Variants in RAB3C observed in about 807,000 individuals in gnomAD.
RAB3C encodes ras-related protein Rab-3C.
In RAB3C, 17 loss-of-function variants were observed where a neutral mutation model predicts 26.4. The observed-to-expected ratio is 0.64, with a 90% confidence interval of 0.44 to 0.97. The LOEUF (loss-of-function observed/expected upper bound fraction) is 0.97. Ranked by LOEUF, RAB3C falls within the 50% of genes least tolerant of loss-of-function variation. The pLI, the probability that RAB3C is intolerant of heterozygous loss-of-function variation, is 0.00. For synonymous variants in RAB3C, 91 were observed against 95.9 expected (o/e 0.95, Z 0.30); for missense variants, 242 against 281.9 (o/e 0.86, Z 1.01).
intron 2 of RAB3C, among the ~76,000 whole-genome samples, chr5:58,686,245 G>T (rs1579857324): frequency 6.6e-6 from 1 of 152,114 alleles, no homozygotes; most frequent in Non-Finnish European, 1.5e-5. Flanking sequence ...AGACAAAGTT[G>T]ATAGGAAAGA....
intron 3 of RAB3C, chr5:58,822,666 A>G: frequency 2.4e-6 from 1 of 410,056 alleles, no homozygotes. Flanking sequence ...TAGTCTGTGT[A>G]ACAAACAGAG....
intron 3 of RAB3C, among the ~76,000 whole-genome samples, chr5:58,737,028 G>A (rs1375805872): frequency 2.0e-5 from 3 of 152,068 alleles, no homozygotes; most frequent in Non-Finnish European, 4.4e-5. Context: ...TAATGCCAAA[G>A]CCATTACAAT....
At chr5:58,702,036 T>C (rs969214934) in intron 2 of RAB3C, among the ~76,000 whole-genome samples, 1 of 152,196 alleles carries the variant, frequency 6.6e-6, no homozygotes, top group Non-Finnish European at 1.5e-5. Flanking sequence ...CCTGCCATTT[T>C]CCTGCATGGA....
intron 3 of RAB3C, among the ~76,000 whole-genome samples, chr5:58,809,228 T>TA (rs1004080891): frequency 1.3e-5 from 2 of 152,142 alleles, no homozygotes; most frequent in African/African-American, 4.8e-5. Context: ...TCTTTTCATA[T>TA]AAAAATAGAA....
chr5:58,633,835 T>G (rs768507481), intron 2 of RAB3C, among the ~76,000 whole-genome samples: 25 of 152,134 alleles, frequency 1.6e-4, no homozygotes, highest in Non-Finnish European at 3.2e-4. Context: ...ATTTACTTGT[T>G]AAATTTGTTT....
intron 4 of RAB3C, among the ~76,000 whole-genome samples, chr5:58,850,542 C>T (rs1316193259): frequency 6.6e-6 from 1 of 152,134 alleles, no homozygotes. Flanking sequence ...ACTCTCAGAC[C>T]GATCATTAGG....
At chr5:58,641,472 A>G (rs767563601) in intron 2 of RAB3C, among the ~76,000 whole-genome samples, 4 of 152,248 alleles carry the variant, frequency 2.6e-5, no homozygotes, top group African/African-American at 4.8e-5. Context: ...GAACTAAATT[A>G]TAAATGAAAA....
intron 3 of RAB3C, among the ~76,000 whole-genome samples, chr5:58,735,572 A>G (rs188970307): frequency 1.3e-5 from 2 of 152,298 alleles, no homozygotes; most frequent in East Asian, 3.9e-4. Context: ...GAAGTCCCCA[A>G]AGTGTCCACA....
chr5:58,803,506 C>A (rs1742858973), intron 3 of RAB3C, among the ~76,000 whole-genome samples: 2 of 152,116 alleles, frequency 1.3e-5, no homozygotes, highest in South Asian at 4.1e-4. Context: ...CTTAGAAAAC[C>A]AGCTCTATGT....
chr5:58,790,262 T>C (rs1325409107), intron 3 of RAB3C, among the ~76,000 whole-genome samples: 2 of 152,250 alleles, frequency 1.3e-5, no homozygotes, highest in Non-Finnish European at 2.9e-5. Flanking sequence ...CATATTTTTA[T>C]CTGAGTTCTG....
In RAB3C at chr5:58,627,500, A is replaced by C. The variant is rs867828365; in HGVS notation, c.252+9630A>C. 3.1e-3 allele frequency among the ~76,000 whole-genome samples: 90 copies of C among 28,938 alleles called. 9 individuals are homozygous for C. Among genetic ancestry groups the C allele is most frequent in the African/African-American group, 5.4e-3 (9 of 1,672 alleles). 19.0% of individuals were successfully genotyped at this position (28,938 alleles called of 152,430 possible). ...AAAAAAAAAAAAAAAAAAAAAAAAA[A>C]AAAAAAAAAAAAAAAAAAACACAGC... On this transcript the variant is annotated intron_variant, in intron 2 of 4. Transcript: ENST00000282878.
intron 3 of RAB3C, among the ~76,000 whole-genome samples, chr5:58,739,253 G>A (rs772674147): frequency 2.0e-5 from 3 of 152,206 alleles, no homozygotes; most frequent in Non-Finnish European, 4.4e-5. Flanking sequence ...TATTTGCCCA[G>A]TCAGCAAGAA....
At chr5:58,691,625 A>T (rs546925607) in intron 2 of RAB3C, among the ~76,000 whole-genome samples, 1 of 152,308 alleles carries the variant, frequency 6.6e-6, no homozygotes, top group East Asian at 1.9e-4. Flanking sequence ...TTGGTACAAA[A>T]TGTCTTTTCA....
intron 4 of RAB3C, among the ~76,000 whole-genome samples, chr5:58,832,894 C>T (rs565372900): frequency 1.3e-5 from 2 of 152,236 alleles, no homozygotes; most frequent in African/African-American, 4.8e-5. Flanking sequence ...AAGTTTTAAA[C>T]ACTGGAGTGA....
Position 58,729,681 on chromosome 5 carries a change from G to A in RAB3C, c.371+3561G>A, listed in dbSNP as rs145254926. 8.0e-4 allele frequency among the ~76,000 whole-genome samples: 118 copies of A among 147,190 alleles called. 2 individuals are homozygous for A. The East Asian group carries it at 0.012, about 14-fold the overall frequency. ...ATACATACACACATACACACAATAC[G>A]TGTTACATAATGTACATTGTGTGTA... is the stretch of plus-strand genomic sequence containing the variant. On this transcript the variant is annotated intron_variant, in intron 3 of 4. Transcript: ENST00000282878.
intron 3 of RAB3C, among the ~76,000 whole-genome samples, chr5:58,812,899 A>T (rs1203505737): frequency 6.6e-6 from 1 of 152,150 alleles, no homozygotes; most frequent in Non-Finnish European, 1.5e-5. Context: ...TGGCAGGAAA[A>T]TGTATAGGTT....
In RAB3C at chr5:58,626,996, T is replaced by C. The variant is rs1210032841; in HGVS notation, c.252+9126T>C. Among the ~76,000 whole-genome samples, 3 of 152,192 alleles carry C rather than the reference T, an allele frequency of 2.0e-5. No individual in the cohort carries two copies. The East Asian group carries it at 5.8e-4, about 29-fold the overall frequency. ...CACCAACCACTGGTAAATTTTAATA[T>C]GCCCAAGTGCAGTGAGCTGTGTTGT... On this transcript the variant is annotated intron_variant, in intron 2 of 4. Transcript: ENST00000282878.
chr5:58,812,079 T>C (rs1456963310), intron 3 of RAB3C, among the ~76,000 whole-genome samples: 1 of 152,082 alleles, frequency 6.6e-6, no homozygotes, highest in Non-Finnish European at 1.5e-5. Flanking sequence ...ATAAAGAAAA[T>C]GCTTTGCTCA....
chr5:58,704,490 G>T (rs1446714658), intron 2 of RAB3C, among the ~76,000 whole-genome samples: 6 of 152,112 alleles, frequency 3.9e-5, no homozygotes, highest in African/African-American at 1.4e-4. Flanking sequence ...TTAGTGAGGT[G>T]AAAAGTAATC....
Sources: gnomAD v4.1 joint callset for allele counts (sites outside exome capture counted in the v4.1 genomes callset) on GRCh38, gnomAD v4.1.1 for gene constraint, MANE v1.5 for transcripts, NCBI Gene and HGNC (gene_info 2026-07-23, HGNC 2026-07-21) for gene names.